Variants in SIPA1L1 observed in about 807,000 individuals in gnomAD.
The protein encoded by SIPA1L1 is signal-induced proliferation-associated 1-like protein 1.
SIPA1L1 carries 26 observed loss-of-function variants against 162.7 expected under a neutral mutation model. The observed-to-expected ratio is 0.16, with a 90% CI of 0.12 to 0.22. The LOEUF is 0.22. Among genes scored for constraint, SIPA1L1 ranks in the 10% least tolerant of loss-of-function variants. The probability of loss-of-function intolerance (pLI) is 1.00; values close to 1 mark genes in which losing one functional copy is unlikely to be tolerated. For synonymous variants in SIPA1L1, 829 were observed against 837.4 expected, an observed-to-expected ratio of 0.99 and a Z score of 0.17; for missense variants, 1,874 against 2,241.0, an observed-to-expected ratio of 0.84 and a Z score of 3.31.
intron 22 of SIPA1L1, 32 bp from the exon 23 acceptor site, chr14:71,738,209 T>A: frequency 2.5e-5 from 27 of 1,089,138 alleles, no homozygotes; most frequent in Non-Finnish European, 3.5e-5. Flanking sequence ...TGGAGGCCCC[T>A]GCCAACATGG....
chr14:71,412,226 G>C (rs2042456013), intron 2 of SIPA1L1, among the ~76,000 whole-genome samples: 1 of 152,184 alleles, frequency 6.6e-6, no homozygotes, highest in South Asian at 2.1e-4. Flanking sequence ...CAGCCCACGA[G>C]CCACATGTGG....
At chr14:71,452,000 T>C (rs1334415873) in intron 2 of SIPA1L1, among the ~76,000 whole-genome samples, 1 of 152,160 alleles carries the variant, frequency 6.6e-6, no homozygotes, top group African/African-American at 2.4e-5. Context: ...TTATATAAAA[T>C]ATATAAATAC....
At chr14:71,409,604 G>C (rs1355640144) in intron 2 of SIPA1L1, among the ~76,000 whole-genome samples, 1 of 152,270 alleles carries the variant, frequency 6.6e-6, no homozygotes, top group East Asian at 1.9e-4. Flanking sequence ...GCTAATCAGA[G>C]AAAGTCAAAT....
At chr14:71,613,233 G>A (rs1223377766) in intron 5 of SIPA1L1, among the ~76,000 whole-genome samples, 3 of 152,090 alleles carry the variant, frequency 2.0e-5, no homozygotes, top group African/African-American at 7.2e-5. Context: ...TAATGGCTAA[G>A]TAAATGAGCT....
chr14:71,542,858 A>G (rs2054603927), intron 4 of SIPA1L1, among the ~76,000 whole-genome samples: 1 of 151,032 alleles, frequency 6.6e-6, no homozygotes, highest in Non-Finnish European at 1.5e-5. Context: ...TGCTGGGATT[A>G]CAGGCATGAT....
intron 2 of SIPA1L1, among the ~76,000 whole-genome samples, chr14:71,416,967 T>C (rs2042814270): frequency 6.6e-6 from 1 of 151,996 alleles, no homozygotes; most frequent in African/African-American, 2.4e-5. Flanking sequence ...CCCAGGCTGG[T>C]CTGGAACTCC....
chr14:71,535,977 C>T (rs935892246), intron 4 of SIPA1L1, among the ~76,000 whole-genome samples: 1 of 152,098 alleles, frequency 6.6e-6, no homozygotes, highest in Non-Finnish European at 1.5e-5. Context: ...TATCTGATGT[C>T]CCTCTTCTTC....
chr14:71,460,054 TA>T (rs776027008), intron 2 of SIPA1L1, among the ~76,000 whole-genome samples: 130 of 152,312 alleles, frequency 8.5e-4, no homozygotes, highest in Non-Finnish European at 1.6e-3. Flanking sequence ...ATGAAGTCAA[TA>T]AATCTTATGT....
intron 2 of SIPA1L1, among the ~76,000 whole-genome samples, chr14:71,351,369 C>T (rs966503989): frequency 6.6e-6 from 1 of 152,188 alleles, no homozygotes; most frequent in Non-Finnish European, 1.5e-5. Flanking sequence ...AAAATTTCTA[C>T]ATTTAGGACT....
intron 2 of SIPA1L1, among the ~76,000 whole-genome samples, chr14:71,473,602 A>G (rs1022495591): frequency 1.3e-5 from 2 of 152,146 alleles, no homozygotes; most frequent in African/African-American, 2.4e-5. Flanking sequence ...TAAAAATCCT[A>G]TATGTGGAAC....
At chr14:71,465,627 A>G (rs116849691) in intron 2 of SIPA1L1, among the ~76,000 whole-genome samples, 3,462 of 152,316 alleles carry the variant, frequency 0.023, 57 homozygotes, top group Middle Eastern at 0.054. Flanking sequence ...TTAAGCAGCC[A>G]ACTCCAGAAA....
chr14:71,529,641 C>G (rs1348636038), intron 4 of SIPA1L1, among the ~76,000 whole-genome samples: 1 of 152,166 alleles, frequency 6.6e-6, no homozygotes, highest in Non-Finnish European at 1.5e-5. Context: ...GGGTTGGATC[C>G]ATATCATGCG....
chr14:71,605,433 A>T (rs1479209978), intron 5 of SIPA1L1, among the ~76,000 whole-genome samples: 4 of 151,868 alleles, frequency 2.6e-5, no homozygotes, highest in Non-Finnish European at 5.9e-5. Context: ...AAGATGTCAT[A>T]TTTCTTAGTT....
At chr14:71,557,089 A>T (rs1202205256) in intron 4 of SIPA1L1, among the ~76,000 whole-genome samples, 1 of 152,186 alleles carries the variant, frequency 6.6e-6, no homozygotes, top group Non-Finnish European at 1.5e-5. Flanking sequence ...AAACCAATAT[A>T]GCTATCATAA....
In SIPA1L1 at chr14:71,389,852, G is replaced by A. The variant is rs576181144; in HGVS notation, c.-465+68671G>A. ...GTGGTGCTGTGTTTCCTCATCTGAA[G>A]GGCTCGGAGGAGAGTGGGAAAGGGA... On this transcript the variant is annotated intron_variant, in intron 2 of 23. Coordinates refer to ENST00000381232, the MANE Select transcript of SIPA1L1 (RefSeq NM_001386936.1). Among the ~76,000 whole-genome samples, 6 of 152,312 alleles carry A rather than the reference G, an allele frequency of 3.9e-5. No individual in the cohort carries two copies. In the South Asian group the frequency reaches 8.3e-4, roughly 21 times the overall value.
intron 4 of SIPA1L1, among the ~76,000 whole-genome samples, chr14:71,529,686 C>T (rs988415710): frequency 7.9e-5 from 12 of 152,208 alleles, no homozygotes; most frequent in Non-Finnish European, 1.2e-4. Context: ...GGTTGAAGAA[C>T]TGACTGCAGC....
chr14:71,555,747 C>A (rs1225374087), intron 4 of SIPA1L1, among the ~76,000 whole-genome samples: 1 of 152,080 alleles, frequency 6.6e-6, no homozygotes, highest in African/African-American at 2.4e-5. Flanking sequence ...AACTTAGAGG[C>A]CATTCTAATT....
intron 7 of SIPA1L1, among the ~76,000 whole-genome samples, chr14:71,645,657 C>T (rs555687564): frequency 3.9e-5 from 6 of 152,060 alleles, no homozygotes; most frequent in Non-Finnish European, 7.4e-5. Flanking sequence ...GAGTGTATAG[C>T]GGAGAAAAAG....
chr14:71,330,861 A>G (rs1031954509), intron 2 of SIPA1L1: 1 of 565,706 alleles, frequency 1.8e-6, no homozygotes, highest in East Asian at 3.0e-5. Context: ...TATTTTTTCC[A>G]CTCCAGGTTG....
Sources: gnomAD v4.1 joint callset for allele counts (sites outside exome capture counted in the v4.1 genomes callset) on GRCh38, gnomAD v4.1.1 for gene constraint, MANE v1.5 for transcripts, NCBI Gene and HGNC (gene_info 2026-07-23, HGNC 2026-07-21) for gene names.